The following KANK1 variants were observed in gnomAD, a reference collection of about 807,000 sequenced individuals.
KANK1 encodes the protein KN motif and ankyrin repeat domain-containing protein 1.
A neutral mutation model predicts 106.2 loss-of-function variants in KANK1; 109 were observed. The observed-to-expected ratio is 1.03, with a 90% confidence interval of 0.88 to 1.20. The LOEUF (loss-of-function observed/expected upper bound fraction) is 1.20. KANK1 is among the 50% of genes most tolerant of loss of function. The pLI, the probability that KANK1 is intolerant of heterozygous loss-of-function variation, is 0.00. For missense variants in KANK1, 2,399 were observed against 1,710.7 expected, an observed-to-expected ratio of 1.40 and a Z score of -7.10; for synonymous variants, 873 against 652.2, an observed-to-expected ratio of 1.34 and a Z score of -5.16.
chr9:643,439 C>G (rs1187819701), intron 1 of KANK1, among the ~76,000 whole-genome samples: 1 of 150,386 alleles, frequency 6.6e-6, no homozygotes, highest in African/African-American at 2.5e-5. Flanking sequence ...TAATACCTAC[C>G]CAAAATTTTG....
At chr9:495,390 G>T (rs371854019) in intron 3 of KANK1, 1 of 152,128 alleles carries the variant, frequency 6.6e-6, no homozygotes, top group Non-Finnish European at 1.5e-5. Flanking sequence ...AGACTCTTAC[G>T]TAACCAGATC....
chr9:626,063 G>C (rs958652555), intron 1 of KANK1, among the ~76,000 whole-genome samples: 1 of 152,096 alleles, frequency 6.6e-6, no homozygotes, highest in Non-Finnish European at 1.5e-5. Context: ...GTCAGGAGAG[G>C]AGCTATCCCA....
intron 1 of KANK1, among the ~76,000 whole-genome samples, chr9:581,569 G>A (rs1178542141): frequency 6.6e-6 from 1 of 152,200 alleles, no homozygotes; most frequent in Non-Finnish European, 1.5e-5. Flanking sequence ...AATTGGGAAT[G>A]AATCTTAGTC....
chr9:653,233 T>C (rs1841318846), intron 1 of KANK1, among the ~76,000 whole-genome samples: 1 of 151,998 alleles, frequency 6.6e-6, no homozygotes, highest in South Asian at 2.1e-4. Flanking sequence ...CCCAGAGCAT[T>C]TAAGTAACGT....
At chr9:606,186 TCA>T (rs1829093779) in intron 1 of KANK1, among the ~76,000 whole-genome samples, 1 of 141,236 alleles carries the variant, frequency 7.1e-6, no homozygotes, top group Non-Finnish European at 1.5e-5. Context: ...CACACACCAC[TCA>T]CACATATATA....
intron 1 of KANK1, among the ~76,000 whole-genome samples, chr9:640,854 G>T (rs750967815): frequency 6.6e-5 from 10 of 151,756 alleles, no homozygotes; most frequent in Non-Finnish European, 8.8e-5. Flanking sequence ...CCGCCACCAG[G>T]CCCAGCTAAT....
Position 597,777 on chromosome 9 carries a change from C to T in KANK1, c.-83-79113C>T, listed in dbSNP as rs533713789. On this transcript the variant is annotated intron_variant, in intron 1 of 11. Transcript: ENST00000382297. The stretch of plus-strand genomic sequence containing the variant: ...CTCCTGGGTTCAAGTGATTCTCCTG[C>T]CTCAGCCTCCTGGGTAGCTGGGATT... Among the ~76,000 whole-genome samples, 137 of 151,700 alleles carry T rather than the reference C, an allele frequency of 9.0e-4. 4 individuals are homozygous for T. Among genetic ancestry groups the T allele is most frequent in the African/African-American group, 3.3e-3 (134 of 41,100 alleles).
intron 11 of KANK1, 78 bp downstream of exon 11, chr9:744,667 C>T (rs781424122): frequency 3.7e-5 from 60 of 1,611,218 alleles, no homozygotes; most frequent in African/African-American, 5.3e-5. Context: ...CAGGAATTGA[C>T]GGGAGACAGA....
chr9:608,047 T>C (rs1257453522), intron 1 of KANK1, among the ~76,000 whole-genome samples: 1 of 144,040 alleles, frequency 6.9e-6, no homozygotes, highest in East Asian at 2.0e-4. Context: ...TTTTTTTTTT[T>C]TGAGACGGAG....
intron 2 of KANK1, chr9:680,921 A>C (rs563440680): frequency 6.6e-6 from 1 of 152,184 alleles, no homozygotes; most frequent in South Asian, 2.1e-4. Context: ...TCATTAATTC[A>C]AAACATTTTA....
intron 1 of KANK1, among the ~76,000 whole-genome samples, chr9:613,029 A>T (rs971908001): frequency 1.3e-5 from 2 of 152,170 alleles, no homozygotes; most frequent in Non-Finnish European, 2.9e-5. Flanking sequence ...TAAAATTTTT[A>T]AATGAGTGGG....
intron 1 of KANK1, among the ~76,000 whole-genome samples, chr9:649,662 C>T (rs1178186186): frequency 6.6e-6 from 1 of 152,148 alleles, no homozygotes; most frequent in Non-Finnish European, 1.5e-5. Flanking sequence ...TTCACCATAG[C>T]ATGGCTTGTT....
intron 3 of KANK1, among the ~76,000 whole-genome samples, chr9:714,975 C>G (rs1827291952): frequency 6.6e-6 from 1 of 151,234 alleles, no homozygotes; most frequent in Admixed American, 6.6e-5. Context: ...ATGTGTGATA[C>G]AGACTTAAGC....
chr9:724,324 G>A (rs1830125138), intron 3 of KANK1, among the ~76,000 whole-genome samples: 2 of 152,134 alleles, frequency 1.3e-5, no homozygotes, highest in African/African-American at 4.8e-5. Context: ...AGGGAAACCA[G>A]ATGTTTTCTA....
intron 1 of KANK1, among the ~76,000 whole-genome samples, chr9:662,986 G>T (rs1843698476): frequency 6.6e-6 from 1 of 152,204 alleles, no homozygotes; most frequent in Non-Finnish European, 1.5e-5. Flanking sequence ...ACTAAAACTT[G>T]TTTTCAGAAA....
chr9:542,766 T>A (rs544701629), intron 1 of KANK1, among the ~76,000 whole-genome samples: 128 of 152,330 alleles, frequency 8.4e-4, no homozygotes, highest in Admixed American at 3.1e-3. Flanking sequence ...TAGATGAACC[T>A]ATTCATAAAT....
upstream of KANK1, among the ~76,000 whole-genome samples, chr9:500,929 AAG>A (rs1190812984): frequency 1.3e-5 from 2 of 152,164 alleles, no homozygotes; most frequent in Non-Finnish European, 2.9e-5. Flanking sequence ...ACTATACAAA[AAG>A]AGAGGTCAAA....
chr9:520,169 C>G (rs2059479599), intron 1 of KANK1, among the ~76,000 whole-genome samples: 1 of 151,594 alleles, frequency 6.6e-6, no homozygotes, highest in African/African-American at 2.4e-5. Context: ...AAAACCCCAT[C>G]TCTACAAAAA....
intron 1 of KANK1, chr9:547,465 G>T (rs1362981811): frequency 6.6e-6 from 1 of 151,866 alleles, no homozygotes; most frequent in Non-Finnish European, 1.5e-5. Flanking sequence ...GGCACAGTGT[G>T]TGCAAGCAAT....
Sources: gnomAD v4.1 joint callset for allele counts (sites outside exome capture counted in the v4.1 genomes callset) on GRCh38, gnomAD v4.1.1 for gene constraint, MANE v1.5 for transcripts, NCBI Gene and HGNC (gene_info 2026-07-23, HGNC 2026-07-21) for gene names.